Variants in LSM14A observed in about 807,000 individuals in gnomAD.
The protein encoded by LSM14A is protein LSM14 homolog A.
Under a neutral mutation model 52.4 loss-of-function variants are expected in LSM14A, and 14 were observed. The ratio of observed to expected loss-of-function variants is 0.27; its 90% confidence interval spans 0.18 to 0.42. The LOEUF is 0.42. LSM14A is among the 10% of genes least tolerant of loss of function. LSM14A has a pLI of 1.00. For missense variants in LSM14A, 417 were observed against 581.8 expected (o/e 0.72, Z 2.91); for synonymous variants, 185 against 200.3 (o/e 0.92, Z 0.64).
At chr19:34,183,978 A>G (rs922775831) in intron 1 of LSM14A, among the ~76,000 whole-genome samples, 1 of 151,404 alleles carries the variant, frequency 6.6e-6, no homozygotes, top group Non-Finnish European at 1.5e-5. Context: ...TTCTTTGTTG[A>G]TGTTTAGTCA....
rs976195277 is a variant in LSM14A, at chr19:34,228,212, A to C, written c.*824A>C. On this transcript the variant is annotated 3_prime_UTR_variant, in exon 10 of 10. Transcript: ENST00000544216. Reference sequence around the variant, plus strand: ...TTTTGTTTTTTAATGTTTGGAACATAAATGAAGATTTGATACATTATTTCA... The same window carrying C: ...TTTTGTTTTTTAATGTTTGGAACATCAATGAAGATTTGATACATTATTTCA... 1 of 152,664 alleles carries C rather than the reference A, an allele frequency of 6.6e-6. No individual in the cohort carries two copies. Among genetic ancestry groups the C allele is most frequent in the African/African-American group, 2.4e-5 (1 of 41,466 alleles). The allele number at this position is 152,664 out of a possible 1,614,324, so 9.5% of individuals were successfully genotyped here.
At chr19:34,197,470 G>C (rs936127942) in intron 3 of LSM14A, among the ~76,000 whole-genome samples, 3 of 98,914 alleles carry the variant, frequency 3.0e-5, no homozygotes, top group African/African-American at 1.2e-4. Context: ...GCAGAGTCTT[G>C]CTCTGTTGCC....
intron 3 of LSM14A, among the ~76,000 whole-genome samples, chr19:34,197,109 A>T (rs1220508611): frequency 6.6e-6 from 1 of 151,754 alleles, no homozygotes; most frequent in Non-Finnish European, 1.5e-5. Flanking sequence ...TGTTTTTTTT[A>T]AAGACAAAGT....
At chr19:34,192,831 T>G (rs890753783) in intron 1 of LSM14A, among the ~76,000 whole-genome samples, 3 of 151,378 alleles carry the variant, frequency 2.0e-5, no homozygotes, top group Non-Finnish European at 4.4e-5. Flanking sequence ...ATACAAAAAT[T>G]AGCTGCGCAT....
At chr19:34,197,348 C>A (rs963153958) in intron 3 of LSM14A, among the ~76,000 whole-genome samples, 2 of 151,918 alleles carry the variant, frequency 1.3e-5, no homozygotes, top group African/African-American at 4.8e-5. Flanking sequence ...GCTTCGGCCT[C>A]CCAAAGTGCT....
At chr19:34,200,740 CA>C (rs1258842090) in intron 3 of LSM14A, among the ~76,000 whole-genome samples, 3 of 152,178 alleles carry the variant, frequency 2.0e-5, no homozygotes, top group African/African-American at 7.2e-5. Flanking sequence ...CATAAATTTC[CA>C]AATCCAGTAG....
chr19:34,177,213 C>G (rs776353446), intron 1 of LSM14A, among the ~76,000 whole-genome samples: 4 of 152,034 alleles, frequency 2.6e-5, no homozygotes, highest in Non-Finnish European at 4.4e-5. Context: ...AACAGAAGTT[C>G]TTCATTTTAA....
chr19:34,174,196 G>A (rs987783188), intron 1 of LSM14A, among the ~76,000 whole-genome samples: 7 of 152,138 alleles, frequency 4.6e-5, no homozygotes, highest in African/African-American at 1.7e-4. Flanking sequence ...TGATCCACCC[G>A]CCTCGGCCAC....
At chr19:34,196,529 AGTT>A (rs543772570) in intron 2 of LSM14A, 102 bp from the exon 3 acceptor site, 32 of 1,055,508 alleles carry the variant, frequency 3.0e-5, no homozygotes, top group Middle Eastern at 3.3e-4. Context: ...TATATCTAGT[AGTT>A]ATAATTTAAT....
intron 1 of LSM14A, among the ~76,000 whole-genome samples, chr19:34,184,241 C>CGG (rs2069720179): frequency 6.6e-6 from 1 of 151,838 alleles, no homozygotes; most frequent in Non-Finnish European, 1.5e-5. Context: ...TTTTAAGAGA[C>CGG]GGGGTTTCAC....
chr19:34,180,220 G>C (rs2145500630), intron 1 of LSM14A, among the ~76,000 whole-genome samples: 1 of 152,316 alleles, frequency 6.6e-6, no homozygotes, highest in East Asian at 1.9e-4. Context: ...TGTCTGGCTT[G>C]AAGTAAGTTT....
intron 1 of LSM14A, among the ~76,000 whole-genome samples, chr19:34,187,802 T>C (rs2070043094): frequency 6.6e-6 from 1 of 152,176 alleles, no homozygotes; most frequent in East Asian, 1.9e-4. Context: ...CAGTTTGGCA[T>C]TAGGATGATG....
In LSM14A at chr19:34,227,568, G is replaced by A. The variant is rs2145921198; in HGVS notation, c.*180G>A. 1.9e-6 allele frequency: 1 copy of A among 523,976 alleles called. No individual in the cohort carries two copies. Among genetic ancestry groups the A allele is most frequent in the Non-Finnish European group, 3.4e-6 (1 of 295,674 alleles). 32.5% of individuals were successfully genotyped at this position (523,976 alleles called of 1,614,324 possible). ...AAAGATAAAATGCAGTTACTTTTGG[G>A]GGTGGAAGGCTCATCTTAAAACATG... On this transcript the variant is annotated 3_prime_UTR_variant, in exon 10 of 10. Transcript: ENST00000544216.
At chr19:34,181,608 A>G (rs1388474456) in intron 1 of LSM14A, among the ~76,000 whole-genome samples, 1 of 151,934 alleles carries the variant, frequency 6.6e-6, no homozygotes, top group Non-Finnish European at 1.5e-5. Flanking sequence ...CTCATATCTC[A>G]CTGGTTACCT....
intron 3 of LSM14A, among the ~76,000 whole-genome samples, chr19:34,198,336 G>A (rs1195363429): frequency 6.6e-6 from 1 of 152,122 alleles, no homozygotes; most frequent in Non-Finnish European, 1.5e-5. Flanking sequence ...AACTGAATGA[G>A]CTGGGCGCGG....
intron 3 of LSM14A, among the ~76,000 whole-genome samples, chr19:34,199,972 A>G (rs2071170360): frequency 6.6e-6 from 1 of 152,228 alleles, no homozygotes; most frequent in South Asian, 2.1e-4. Flanking sequence ...TACCCTTGTA[A>G]CACAGACATC....
chr19:34,198,700 C>T (rs1303682006), intron 3 of LSM14A, among the ~76,000 whole-genome samples: 1 of 149,552 alleles, frequency 6.7e-6, no homozygotes, highest in African/African-American at 2.5e-5. Flanking sequence ...TATAACCACA[C>T]AGAGGGCTGG....
chr19:34,185,201 A>G (rs1259153138), intron 1 of LSM14A, among the ~76,000 whole-genome samples: 2 of 152,204 alleles, frequency 1.3e-5, no homozygotes, highest in Non-Finnish European at 2.9e-5. Context: ...CAGAAGGTGC[A>G]AGGAACGTCA....
intron 1 of LSM14A, among the ~76,000 whole-genome samples, chr19:34,191,237 T>G (rs1014117218): frequency 2.0e-5 from 3 of 152,310 alleles, no homozygotes; most frequent in Non-Finnish European, 4.4e-5. Flanking sequence ...AATGTTGTTT[T>G]GATCATAAAA....
Sources: gnomAD v4.1 joint callset for allele counts (sites outside exome capture counted in the v4.1 genomes callset) on GRCh38, gnomAD v4.1.1 for gene constraint, MANE v1.5 for transcripts, NCBI Gene and HGNC (gene_info 2026-07-23, HGNC 2026-07-21) for gene names.